The following ARB2A variants were observed in gnomAD, a reference collection of about 807,000 sequenced individuals.
The protein encoded by ARB2A is cotranscriptional regulator ARB2A.
chr5:93,860,076 C>T, the ARB2A span, among the ~76,000 whole-genome samples: 4 of 152,210 alleles, frequency 2.6e-5, no homozygotes, highest in East Asian at 7.7e-4. Flanking sequence ...GGATGGATCA[C>T]GAGGTCAGGA....
chr5:94,024,553 C>T, the ARB2A span, among the ~76,000 whole-genome samples: 1 of 152,062 alleles, frequency 6.6e-6, no homozygotes, highest in Non-Finnish European at 1.5e-5. Context: ...GATGAACTCC[C>T]TCCCCAGCCC....
chr5:94,100,376 T>C, the ARB2A span, among the ~76,000 whole-genome samples: 3 of 152,298 alleles, frequency 2.0e-5, no homozygotes, highest in South Asian at 4.1e-4. Context: ...AAGCAATCTA[T>C]AGATTCAATG....
chr5:93,893,982 T>A, the ARB2A span, among the ~76,000 whole-genome samples: 1 of 152,182 alleles, frequency 6.6e-6, no homozygotes, highest in African/African-American at 2.4e-5. Context: ...AGCTAAACTT[T>A]TTTCAAAATA....
At chr5:93,958,799 G>A in the ARB2A span, 8 of 1,544,988 alleles carry the variant, frequency 5.2e-6, no homozygotes, top group South Asian at 2.7e-5. Flanking sequence ...TTTAATAAAC[G>A]GTATCTGTGT....
At chr5:94,082,872 G>T in the ARB2A span, among the ~76,000 whole-genome samples, 1 of 152,124 alleles carries the variant, frequency 6.6e-6, no homozygotes, top group Admixed American at 6.5e-5. Flanking sequence ...TAAAAAAAGA[G>T]AATTAGAAAT....
the ARB2A span, chr5:93,735,550 A>C: frequency 2.0e-5 from 3 of 152,170 alleles, no homozygotes; most frequent in Non-Finnish European, 4.4e-5. Flanking sequence ...AGAGTTGTTT[A>C]TTCTGGCATT....
At chr5:93,741,101 A>G in the ARB2A span, 10 of 1,613,582 alleles carry the variant, frequency 6.2e-6, no homozygotes, top group Non-Finnish European at 8.5e-6. Flanking sequence ...ACCTTCCCAA[A>G]CAGAGCTCCC....
the ARB2A span, among the ~76,000 whole-genome samples, chr5:93,854,413 G>A: frequency 6.6e-6 from 1 of 152,094 alleles, no homozygotes; most frequent in Non-Finnish European, 1.5e-5. Context: ...CCAGCTCCTA[G>A]ATTCATGAAT....
At chr5:93,792,516 T>C in the ARB2A span, among the ~76,000 whole-genome samples, 1 of 152,086 alleles carries the variant, frequency 6.6e-6, no homozygotes. Flanking sequence ...CAGGTTAAGA[T>C]ACATTCCCTT....
At chr5:94,106,974 G>A in the ARB2A span, among the ~76,000 whole-genome samples, 18 of 151,860 alleles carry the variant, frequency 1.2e-4, no homozygotes, top group South Asian at 2.1e-4. Context: ...ACACAATGGG[G>A]TCTACTTCAG....
the ARB2A span, among the ~76,000 whole-genome samples, chr5:93,829,176 A>G: frequency 1.8e-4 from 27 of 152,290 alleles, no homozygotes; most frequent in Admixed American, 1.4e-3. Flanking sequence ...GTATTGAACT[A>G]TATCTTTCAC....
chr5:93,901,686 T>A, the ARB2A span, among the ~76,000 whole-genome samples: 1 of 152,132 alleles, frequency 6.6e-6, no homozygotes, highest in African/African-American at 2.4e-5. Flanking sequence ...ATATGTATAA[T>A]ATAAAGAATA....
chr5:93,820,992 T>C, the ARB2A span, among the ~76,000 whole-genome samples: 1 of 152,174 alleles, frequency 6.6e-6, no homozygotes, highest in Non-Finnish European at 1.5e-5. Flanking sequence ...TAAGATTTAC[T>C]ACCATAAAAT....
chr5:93,710,405 C>A, the ARB2A span, among the ~76,000 whole-genome samples: 3 of 152,170 alleles, frequency 2.0e-5, no homozygotes, highest in Non-Finnish European at 4.4e-5. Context: ...CAACTCCTGC[C>A]CTTCTGCTAA....
the ARB2A span, among the ~76,000 whole-genome samples, chr5:93,953,393 T>C: frequency 3.3e-5 from 5 of 152,202 alleles, no homozygotes; most frequent in Admixed American, 6.5e-5. Flanking sequence ...AAGCCTAGTA[T>C]GCTATGGCTC....
the ARB2A span, among the ~76,000 whole-genome samples, chr5:93,665,189 C>T: frequency 6.6e-6 from 1 of 152,100 alleles, no homozygotes; most frequent in African/African-American, 2.4e-5. Flanking sequence ...TCAGATTTAG[C>T]TATTACACCT....
chr5:94,110,588 ACT>A, the ARB2A span, among the ~76,000 whole-genome samples: 2 of 152,084 alleles, frequency 1.3e-5, no homozygotes, highest in South Asian at 2.1e-4. Flanking sequence ...ATCCAAAAAT[ACT>A]CTCTTACTCA....
the ARB2A span, among the ~76,000 whole-genome samples, chr5:93,786,460 T>A: frequency 6.6e-6 from 1 of 152,228 alleles, no homozygotes; most frequent in Non-Finnish European, 1.5e-5. Context: ...CTTACACTGT[T>A]ATAGCATTTT....
the ARB2A span, among the ~76,000 whole-genome samples, chr5:93,941,807 T>C: frequency 6.6e-6 from 1 of 152,210 alleles, no homozygotes; most frequent in African/African-American, 2.4e-5. Context: ...GAGGAATAGA[T>C]AGATATTAGG....
Sources: gnomAD v4.1 joint callset for allele counts (sites outside exome capture counted in the v4.1 genomes callset) on GRCh38, gnomAD v4.1.1 for gene constraint, MANE v1.5 for transcripts, NCBI Gene and HGNC (gene_info 2026-07-23, HGNC 2026-07-21) for gene names.